PCDHA2: variants seen among roughly 807,000 people sequenced by gnomAD.
PCDHA2 encodes the protein protocadherin alpha-2.
Under a neutral mutation model 66.0 loss-of-function variants are expected in PCDHA2, and 58 were observed. That is an observed-to-expected ratio of 0.88 (90% CI 0.71 to 1.09). The LOEUF (loss-of-function observed/expected upper bound fraction) is 1.09, where lower values mean the gene tolerates loss of function less well. PCDHA2 is among the 50% of genes least tolerant of loss of function. The pLI is 0.00. For missense variants in PCDHA2, 1,267 were observed against 1,242.3 expected (o/e 1.02, Z -0.30); for synonymous variants, 634 against 554.0 (o/e 1.14, Z -2.03).
chr5:140,920,583 C>A (rs1287573835), intron 1 of PCDHA2, among the ~76,000 whole-genome samples: 1 of 152,106 alleles, frequency 6.6e-6, no homozygotes, highest in African/African-American at 2.4e-5. Context: ...CAGTGGCTCA[C>A]GCCTGTAATC....
At chr5:140,884,193 C>T (rs1554181316) in intron 1 of PCDHA2, 2 of 1,613,432 alleles carry the variant, frequency 1.2e-6, no homozygotes, top group African/African-American at 1.3e-5. Flanking sequence ...GAGGTGGACG[C>T]GCCGCACCAC....
intron 1 of PCDHA2, chr5:140,848,613 G>C (rs147099629): frequency 6.3e-7 from 1 of 1,587,628 alleles, no homozygotes; most frequent in Admixed American, 1.7e-5. Flanking sequence ...GGAGGAAGCC[G>C]AACACGGCAC....
chr5:140,957,138 C>G (rs1554222835), intron 1 of PCDHA2, among the ~76,000 whole-genome samples: 1 of 151,982 alleles, frequency 6.6e-6, no homozygotes, highest in African/African-American at 2.4e-5. Flanking sequence ...ACACTATGAA[C>G]TAAAAATTTT....
rs2150353254 is a variant in PCDHA2 at position 140,843,123 on chromosome 5, C to A, written c.2388+45771C>A. On this transcript the variant is annotated intron_variant, in intron 1 of 3. Transcript: ENST00000526136. ...AAGGTGCGCGCAGTGGACGCCGACT[C>A]GGGCTACAACGCGTGGCTTTCGTAT... The A allele has an allele frequency of 3.1e-6, 5 of 1,595,902 alleles. No individual in the cohort carries two copies. In the South Asian group the frequency reaches 3.3e-5, roughly 11 times the overall value.
At position 140,969,448 on chromosome 5, in the gene PCDHA2, G is replaced by A. The variant is rs781843317; in HGVS notation, c.2389-9501G>A. 468 of 1,537,938 alleles carry A rather than the reference G, an allele frequency of 3.0e-4. 1 individual carries two copies. Among genetic ancestry groups the A allele is most frequent in the Non-Finnish European group, 4.0e-4 (459 of 1,139,778 alleles). On this transcript the variant is annotated intron_variant, in intron 1 of 3. Coordinates refer to ENST00000526136, the MANE Select transcript of PCDHA2 (RefSeq NM_018905.3). ...AGTGACAAGAGTTATCTGGTAAACT[G>A]AGTATATATAGTATCCACAATTTGA...
chr5:140,897,949 G>A (rs2066421771), intron 1 of PCDHA2, among the ~76,000 whole-genome samples: 2 of 152,308 alleles, frequency 1.3e-5, no homozygotes, highest in African/African-American at 2.4e-5. Context: ...GTGATGATTA[G>A]CATTTTTTCA....
chr5:140,803,293 A>G, intron 1 of PCDHA2: 2 of 1,614,074 alleles, frequency 1.2e-6, no homozygotes, highest in African/African-American at 1.3e-5. Context: ...GTCAACGTGT[A>G]CTTGATCGTC....
intron 1 of PCDHA2, among the ~76,000 whole-genome samples, chr5:140,942,598 A>C: frequency 7.1e-6 from 1 of 140,144 alleles, no homozygotes; most frequent in East Asian, 2.1e-4. Flanking sequence ...ATATAATTAT[A>C]GTGTTTATAT....
chr5:140,806,260 G>A (rs1160952341), intron 1 of PCDHA2, among the ~76,000 whole-genome samples: 1 of 152,126 alleles, frequency 6.6e-6, no homozygotes, highest in Admixed American at 6.6e-5. Context: ...TTGGAAGCAG[G>A]AAATATTCAG....
chr5:140,802,819 G>A (rs782640007), intron 1 of PCDHA2: 1 of 1,613,580 alleles, frequency 6.2e-7, no homozygotes. Flanking sequence ...CGCGATGCGG[G>A]CGTGCCGCCT....
intron 1 of PCDHA2, among the ~76,000 whole-genome samples, chr5:140,926,076 T>C (rs2082906284): frequency 1.3e-5 from 2 of 152,204 alleles, no homozygotes; most frequent in Admixed American, 1.3e-4. Context: ...TCGTCTCTAT[T>C]GCCCTCTTGG....
At chr5:140,828,176 G>C (rs782133322) in intron 1 of PCDHA2, 1 of 1,614,128 alleles carries the variant, frequency 6.2e-7, no homozygotes, top group African/African-American at 1.3e-5. Flanking sequence ...GGTGGGGAGC[G>C]GCCAGCTCCA....
chr5:140,828,232 G>C lies in PCDHA2; in HGVS notation c.2388+30880G>C, dbSNP rs111975849. ...CCAAACACGGCACCTTCGTGGGCCGGATCGCGCAGGACCTGGGGCTGGAGC... is the reference window on the plus strand; with the variant it reads ...CCAAACACGGCACCTTCGTGGGCCGCATCGCGCAGGACCTGGGGCTGGAGC... On this transcript the variant is annotated intron_variant, in intron 1 of 3. Transcript: ENST00000526136. The C allele has an allele frequency of 3.8e-5, 61 of 1,613,964 alleles. 1 individual carries two copies. The highest frequency in any genetic ancestry group is 2.1e-4 in the African/African-American group (16 of 75,074).
chr5:140,846,369 CTTTCTTTTTTT>C (rs1554141260), intron 1 of PCDHA2, among the ~76,000 whole-genome samples: 1 of 102,192 alleles, frequency 9.8e-6, no homozygotes, highest in Admixed American at 1.1e-4. Context: ...TCTTTTCTTT[CTTTCTTTTTTT>C]TTTTTTTTTT....
At chr5:140,849,283 A>G (rs1554142852) in intron 1 of PCDHA2, 1 of 1,191,538 alleles carries the variant, frequency 8.4e-7, no homozygotes, top group Admixed American at 2.6e-5. Context: ...CTGGTGATTC[A>G]CCCCAATGCC....
chr5:140,871,272 G>C lies in PCDHA2; in HGVS notation c.2388+73920G>C, dbSNP rs782818690. Reference sequence around the variant, plus strand: ...TGCTGTATACGGCGCTGTGGTGGTCGGCAACGCCCACTGAGGGCGCGTGCG... The same window carrying C: ...TGCTGTATACGGCGCTGTGGTGGTCCGCAACGCCCACTGAGGGCGCGTGCG... On this transcript the variant is annotated intron_variant, in intron 1 of 3. Coordinates refer to ENST00000526136, the MANE Select transcript of PCDHA2 (RefSeq NM_018905.3). 25 of 1,613,826 alleles carry C rather than the reference G, an allele frequency of 1.5e-5. No individual in the cohort carries two copies. The East Asian group carries it at 5.1e-4, about 33-fold the overall frequency.
intron 1 of PCDHA2, chr5:140,969,258 A>G (rs782513796): frequency 9.3e-6 from 15 of 1,614,106 alleles, no homozygotes; most frequent in Admixed American, 8.3e-5. Context: ...GACAGCAGGA[A>G]TCTCACAGGC....
chr5:140,854,223 C>T, intron 1 of PCDHA2: 3 of 631,588 alleles, frequency 4.7e-6, no homozygotes, highest in Non-Finnish European at 5.9e-6. Context: ...TGGACATCTA[C>T]ATTGGGATAT....
chr5:140,928,293 G>GT (rs2085123670), intron 1 of PCDHA2: 1 of 1,614,032 alleles, frequency 6.2e-7, no homozygotes, highest in South Asian at 1.1e-5. Context: ...TAGGCCGAGT[G>GT]TTTGCCCAGG....
Sources: allele counts gnomAD v4.1 joint callset (sites outside exome capture counted in the v4.1 genomes callset), GRCh38; gene constraint gnomAD v4.1.1; transcripts MANE v1.5; gene names NCBI Gene and HGNC (gene_info 2026-07-23, HGNC 2026-07-21).